Variants in SPATS1 observed in about 807,000 individuals in gnomAD.
The protein encoded by SPATS1 is spermatogenesis-associated serine-rich protein 1.
SPATS1 carries 23 observed loss-of-function variants against 33.6 expected under a neutral mutation model. The ratio of observed to expected loss-of-function variants is 0.68; its 90% CI spans 0.49 to 0.97. The LOEUF is 0.97. SPATS1 is among the 50% of genes least tolerant of loss of function. The pLI, the probability that SPATS1 is intolerant of heterozygous loss-of-function variation, is 0.00. For synonymous variants in SPATS1, 131 were observed against 125.6 expected, an observed-to-expected ratio of 1.04 and a Z score of -0.29; for missense variants, 327 against 361.0, an observed-to-expected ratio of 0.91 and a Z score of 0.76.
intron 2 of SPATS1, among the ~76,000 whole-genome samples, chr6:44,344,929 A>C (rs1787782738): frequency 6.6e-6 from 1 of 152,100 alleles, no homozygotes; most frequent in South Asian, 2.1e-4. Context: ...TTTCATGATA[A>C]ATGGTGAAAC....
intron 7 of SPATS1, among the ~76,000 whole-genome samples, chr6:44,372,660 C>T (rs1194136629): frequency 6.6e-6 from 1 of 152,092 alleles, no homozygotes; most frequent in Non-Finnish European, 1.5e-5. Flanking sequence ...CAGGGTTTCA[C>T]TATGTTGACC....
At chr6:44,344,474 G>A (rs777266628) in intron 2 of SPATS1, among the ~76,000 whole-genome samples, 4 of 151,896 alleles carry the variant, frequency 2.6e-5, no homozygotes, top group Non-Finnish European at 4.4e-5. Flanking sequence ...ATGGGGGAGA[G>A]GATAGAATCA....
At chr6:44,357,461 G>T (rs1788660156) in intron 3 of SPATS1, among the ~76,000 whole-genome samples, 1 of 152,086 alleles carries the variant, frequency 6.6e-6, no homozygotes, top group African/African-American at 2.4e-5. Flanking sequence ...CGGCTCACTG[G>T]AACCTTGGCC....
chr6:44,371,302 T>TA (rs891965619), intron 7 of SPATS1, among the ~76,000 whole-genome samples: 433 of 137,054 alleles, frequency 3.2e-3, no homozygotes, highest in African/African-American at 8.5e-3. Context: ...TGTCTCAAAT[T>TA]AAAAAAAAAA....
intron 2 of SPATS1, among the ~76,000 whole-genome samples, chr6:44,344,197 C>A (rs957426415): frequency 4.6e-5 from 7 of 152,126 alleles, no homozygotes; most frequent in African/African-American, 1.7e-4. Context: ...TTAAGGATGT[C>A]CTAGGGAGGA....
At chr6:44,343,300 C>T (rs565267748) in intron 2 of SPATS1, 66 bp downstream of exon 2, 138 of 1,440,468 alleles carry the variant, frequency 9.6e-5, no homozygotes, top group South Asian at 9.5e-4. Context: ...CACCCGGGGG[C>T]GGGGGCAGGT....
chr6:44,379,387 G>A lies in SPATS1; in HGVS notation c.*2324G>A, dbSNP rs1037412464. 6.6e-6 allele frequency among the ~76,000 whole-genome samples: 1 copy of A among 151,920 alleles called. No homozygotes were observed. The highest frequency in any genetic ancestry group is 1.5e-5 in the Non-Finnish European group (1 of 67,968). On this transcript the variant is annotated 3_prime_UTR_variant, in exon 9 of 9. Coordinates refer to ENST00000674044, the MANE Select transcript of SPATS1 (RefSeq NM_001372081.1). ...AGGCGGATCACGAGGTCAGGAGATC[G>A]AGACCATCCTGGCTAACATGGAGAA...
At position 44,379,977 on chromosome 6, in the gene SPATS1, C is replaced by T. The variant is rs1172210296; in HGVS notation, c.*2914C>T. On this transcript the variant is annotated 3_prime_UTR_variant, in exon 9 of 9. Transcript: ENST00000674044. Reference sequence around the variant, plus strand: ...TCAATAGCTGTCAGGTAGAGTTCCACTGCCAACTTTGGACAGCATGAGTAT... The same window carrying T: ...TCAATAGCTGTCAGGTAGAGTTCCATTGCCAACTTTGGACAGCATGAGTAT... 2.0e-5 allele frequency among the ~76,000 whole-genome samples: 3 copies of T among 152,150 alleles called. No homozygotes were observed. The highest frequency in any genetic ancestry group is 4.4e-5 in the Non-Finnish European group (3 of 68,042).
chr6:44,376,362 C>T lies in SPATS1; in HGVS notation c.763C>T (p.Pro255Ser). Residue 255 changes from proline to serine, a missense_variant, in exon 8 of 9, where the codon CCT becomes TCT. By Grantham distance (74) the Pro-to-Ser change is moderately conservative. Transcript: ENST00000674044. ...GGTGTTGTCTTCTTCCCACAGCTTG[C>T]CTTTCTGGGTGAAGGAGAAGGCCAA... is the stretch of plus-strand genomic sequence containing the variant. ...LEPLPQIPNLPFWVKEKANSL... is the reference protein window; with the variant it reads ...LEPLPQIPNLSFWVKEKANSL... 1 of 1,610,892 alleles carries T rather than the reference C, an allele frequency of 6.2e-7. No individual in the cohort carries two copies. Among genetic ancestry groups the T allele is most frequent in the Non-Finnish European group, 8.5e-7 (1 of 1,178,278 alleles).
chr6:44,368,212 T>C (rs1789362338), intron 5 of SPATS1, among the ~76,000 whole-genome samples, 167 bp from the exon 6 acceptor site: 1 of 152,222 alleles, frequency 6.6e-6, no homozygotes, highest in East Asian at 1.9e-4. Flanking sequence ...AAATATAGGC[T>C]CATCTCCTTA....
chr6:44,366,736 T>G (rs923548735), intron 5 of SPATS1, among the ~76,000 whole-genome samples: 4 of 152,172 alleles, frequency 2.6e-5, no homozygotes, highest in Non-Finnish European at 4.4e-5. Context: ...ATCCTCCAGA[T>G]TAAAAAATAA....
At chr6:44,368,588 A>G in intron 6 of SPATS1, 89 bp downstream of exon 6, 4 of 1,257,498 alleles carry the variant, frequency 3.2e-6, no homozygotes, top group Non-Finnish European at 4.3e-6. Context: ...TAAAAGGGAT[A>G]GATGTCAACA....
chr6:44,373,384 ATT>A (rs1789742062), intron 7 of SPATS1, among the ~76,000 whole-genome samples: 3 of 152,270 alleles, frequency 2.0e-5, no homozygotes, highest in African/African-American at 7.2e-5. Flanking sequence ...TATTTCATAC[ATT>A]TTGTCCAGTT....
chr6:44,374,719 A>G (rs1419316974), intron 7 of SPATS1, among the ~76,000 whole-genome samples: 1 of 152,220 alleles, frequency 6.6e-6, no homozygotes, highest in African/African-American at 2.4e-5. Context: ...GATTGTTTCA[A>G]CAAAGGCTGA....
At chr6:44,342,926 A>G in intron 1 of SPATS1, 158 bp downstream of exon 1, 1 of 1,245,490 alleles carries the variant, frequency 8.0e-7, no homozygotes, top group East Asian at 2.6e-5. Flanking sequence ...AGGGCTTCCA[A>G]ACCACGAAAC....
At chr6:44,366,174 G>C (rs939454122) in intron 5 of SPATS1, among the ~76,000 whole-genome samples, 29 of 150,872 alleles carry the variant, frequency 1.9e-4, no homozygotes, top group African/African-American at 6.8e-4. Flanking sequence ...GCCCAGGCTG[G>C]AGTGCAATGG....
rs768313228 is a variant in SPATS1, at chr6:44,361,969, A to C, written c.551A>C (p.Lys184Thr). Reference sequence around the variant, plus strand: ...TCTCTATCAGAGAGGACGGTGGACAAGTGCTTTGGGAGAAAGAAATACGGT... The same window carrying C: ...TCTCTATCAGAGAGGACGGTGGACACGTGCTTTGGGAGAAAGAAATACGGT... ...KRSLSERTVDKCFGRKKYDID... is the reference protein window; with the variant it reads ...KRSLSERTVDTCFGRKKYDID... The change falls in exon 5 of 9, where the codon AAG becomes ACG. Residue 184 changes from lysine to threonine, a missense_variant. Transcript: ENST00000674044. 6.2e-7 allele frequency: 1 copy of C among 1,614,070 alleles called. No individual in the cohort carries two copies. Among genetic ancestry groups the C allele is most frequent in the Non-Finnish European group, 8.5e-7 (1 of 1,180,038 alleles).
At chr6:44,369,904 A>AAATAT (rs1450351076) in intron 6 of SPATS1, 147 bp from the exon 7 acceptor site, 1 of 415,290 alleles carries the variant, frequency 2.4e-6, no homozygotes, top group Non-Finnish European at 4.2e-6. Context: ...AAATAAAATA[A>AAATAT]AATAAAATCT....
chr6:44,354,542 G>T (rs1472558222), intron 3 of SPATS1, among the ~76,000 whole-genome samples: 2 of 151,630 alleles, frequency 1.3e-5, no homozygotes, highest in African/African-American at 4.8e-5. Flanking sequence ...TTTATTAAGG[G>T]TTTTACTATT....
Sources: allele counts gnomAD v4.1 joint callset (sites outside exome capture counted in the v4.1 genomes callset), GRCh38; gene constraint gnomAD v4.1.1; transcripts MANE v1.5; gene names NCBI Gene and HGNC (gene_info 2026-07-23, HGNC 2026-07-21).